The following WDFY3 variants were observed in gnomAD, a reference collection of about 807,000 sequenced individuals.
WDFY3 encodes WD repeat and FYVE domain-containing protein 3.
A neutral mutation model predicts 409.6 loss-of-function variants in WDFY3; 66 were observed. The ratio of observed to expected loss-of-function variants is 0.16; its 90% CI spans 0.13 to 0.20. The LOEUF is 0.20. Among genes scored for constraint, WDFY3 ranks in the 10% least tolerant of loss-of-function variants. WDFY3 has a pLI of 1.00. For synonymous variants in WDFY3, 1,521 were observed against 1,537.1 expected (o/e 0.99, Z 0.25); for missense variants, 3,031 against 4,298.1 (o/e 0.71, Z 8.24).
intron 2 of WDFY3, among the ~76,000 whole-genome samples, chr4:84,924,678 A>G (rs950230477): frequency 2.0e-5 from 3 of 152,166 alleles, no homozygotes; most frequent in Non-Finnish European, 4.4e-5. Context: ...CTGCTCTTTC[A>G]CCTACACATT....
At position 84,759,085 on chromosome 4, in the gene WDFY3, C is replaced by G. The variant is rs905839826; in HGVS notation, c.5189-1924G>C. On this transcript the variant is annotated intron_variant, in intron 32 of 67. Transcript: ENST00000295888. ...AATCCTTTCCCCATTGCTTGTTTTT[C>G]TCAGGTTTGTCAAAGATCAGATAGT... Among the ~76,000 whole-genome samples the G allele has an allele frequency of 2.0e-5, 3 of 152,214 alleles. No individual in the cohort carries two copies. In the South Asian group the frequency reaches 6.2e-4, roughly 32 times the overall value.
At chr4:84,863,273 A>G (rs1760913636) in intron 3 of WDFY3, among the ~76,000 whole-genome samples, 1 of 152,166 alleles carries the variant, frequency 6.6e-6, no homozygotes, top group African/African-American at 2.4e-5. Context: ...AGATAATTCT[A>G]TTTTTAATTT....
At chr4:84,765,437 T>C (rs1444326297) in intron 32 of WDFY3, among the ~76,000 whole-genome samples, 1 of 152,160 alleles carries the variant, frequency 6.6e-6, no homozygotes, top group Non-Finnish European at 1.5e-5. Context: ...TGATGAAATG[T>C]TATTGCCTGG....
intron 2 of WDFY3, among the ~76,000 whole-genome samples, chr4:84,906,397 A>G (rs1372251274): frequency 6.6e-6 from 1 of 152,210 alleles, no homozygotes; most frequent in Non-Finnish European, 1.5e-5. Context: ...ATCTAGGTGA[A>G]AAACTGCAGT....
At chr4:84,788,942 C>A (rs1747997746) in intron 22 of WDFY3, among the ~76,000 whole-genome samples, 1 of 152,128 alleles carries the variant, frequency 6.6e-6, no homozygotes, top group South Asian at 2.1e-4. Flanking sequence ...ATTGCTCATA[C>A]CCAGGAGGTG....
At chr4:84,740,049 C>T in intron 39 of WDFY3, 138 bp downstream of exon 39, 2 of 871,478 alleles carry the variant, frequency 2.3e-6, no homozygotes, top group Non-Finnish European at 3.5e-6. Flanking sequence ...CAACACTTGC[C>T]CTTTACCTTT....
intron 1 of WDFY3, chr4:84,965,620 C>A (rs1420621351): frequency 6.6e-6 from 1 of 152,282 alleles, no homozygotes; most frequent in African/African-American, 2.4e-5. Flanking sequence ...ATCCCCAGTA[C>A]AAGAGAACTG....
intron 4 of WDFY3, among the ~76,000 whole-genome samples, chr4:84,855,276 C>T (rs1429309721): frequency 6.6e-6 from 1 of 152,182 alleles, no homozygotes; most frequent in African/African-American, 2.4e-5. Context: ...CTACATCTAT[C>T]TGATTCCAAG....
intron 15 of WDFY3, 134 bp from the exon 16 acceptor site, chr4:84,803,601 A>G: frequency 1.0e-6 from 1 of 983,128 alleles, no homozygotes; most frequent in East Asian, 2.6e-5. Context: ...AAAAAGGAAT[A>G]TATTATCAAC....
At chr4:84,756,812 T>C in intron 33 of WDFY3, 114 bp downstream of exon 33, 1 of 1,234,050 alleles carries the variant, frequency 8.1e-7, no homozygotes, top group South Asian at 1.5e-5. Flanking sequence ...AATCAAACCT[T>C]AAATGTGGGG....
chr4:84,898,189 T>A (rs1765886360), intron 2 of WDFY3, among the ~76,000 whole-genome samples: 1 of 152,250 alleles, frequency 6.6e-6, no homozygotes, highest in Non-Finnish European at 1.5e-5. Flanking sequence ...TAGTGACTAC[T>A]GTATTAGACA....
At chr4:84,686,070 C>T (rs1398324799) in intron 62 of WDFY3, among the ~76,000 whole-genome samples, 2 of 152,246 alleles carry the variant, frequency 1.3e-5, no homozygotes, top group South Asian at 2.1e-4. Context: ...AATTTGGAGG[C>T]CGAGGCGGGC....
chr4:84,815,991 A>C lies in WDFY3; in HGVS notation c.1887+1401T>G, dbSNP rs967747104. 1.3e-5 allele frequency among the ~76,000 whole-genome samples: 2 copies of C among 152,088 alleles called. 1 individual carries two copies. Among genetic ancestry groups the C allele is most frequent in the African/African-American group, 4.8e-5 (2 of 41,446 alleles). On this transcript the variant is annotated intron_variant, in intron 13 of 67. Coordinates refer to ENST00000295888, the MANE Select transcript of WDFY3 (RefSeq NM_014991.6). ...TTGTGATTTTCTTTGACTTTTGACT[A>C]TAAGTAAGAGTTTTTCCTCTTCTCT...
intron 32 of WDFY3, among the ~76,000 whole-genome samples, chr4:84,763,572 A>C (rs974937476): frequency 6.6e-6 from 1 of 152,138 alleles, no homozygotes; most frequent in African/African-American, 2.4e-5. Context: ...TTTTATAAAG[A>C]AAAATTTTAC....
intron 10 of WDFY3, among the ~76,000 whole-genome samples, chr4:84,822,150 G>C (rs1281186982): frequency 6.6e-6 from 1 of 151,754 alleles, no homozygotes; most frequent in Non-Finnish European, 1.5e-5. Context: ...GTACCAAATG[G>C]GGAAAAAAAA....
At chr4:84,705,025 A>G (rs1480041945) in intron 54 of WDFY3, among the ~76,000 whole-genome samples, 1 of 152,174 alleles carries the variant, frequency 6.6e-6, no homozygotes, top group Non-Finnish European at 1.5e-5. Flanking sequence ...TTTAAATGCA[A>G]AAGGGTTCCA....
At chr4:84,788,615 C>T (rs1331593455) in intron 22 of WDFY3, among the ~76,000 whole-genome samples, 1 of 152,126 alleles carries the variant, frequency 6.6e-6, no homozygotes, top group African/African-American at 2.4e-5. Context: ...AACACAATGT[C>T]ACAATAAAAT....
intron 2 of WDFY3, among the ~76,000 whole-genome samples, chr4:84,897,905 T>C (rs772972913): frequency 6.6e-5 from 10 of 152,212 alleles, no homozygotes; most frequent in African/African-American, 1.2e-4. Flanking sequence ...AGATAACAAC[T>C]ATTAAAATTT....
At chr4:84,898,498 C>T (rs1186539928) in intron 2 of WDFY3, among the ~76,000 whole-genome samples, 5 of 152,168 alleles carry the variant, frequency 3.3e-5, no homozygotes, top group Middle Eastern at 3.2e-3. Context: ...TTCCCACTCA[C>T]GGATACAGTC....
Sources: gnomAD v4.1 joint callset for allele counts (sites outside exome capture counted in the v4.1 genomes callset) on GRCh38, gnomAD v4.1.1 for gene constraint, MANE v1.5 for transcripts, NCBI Gene and HGNC (gene_info 2026-07-23, HGNC 2026-07-21) for gene names.